PLEKHG1: variants seen among roughly 807,000 people sequenced by gnomAD.
The protein encoded by PLEKHG1 is pleckstrin homology domain-containing family G member 1.
A neutral mutation model predicts 100.8 loss-of-function variants in PLEKHG1; 44 were observed. That is an observed-to-expected ratio of 0.44 (90% confidence interval 0.34 to 0.56). The LOEUF (loss-of-function observed/expected upper bound fraction) is 0.56. PLEKHG1 is among the 20% of genes least tolerant of loss of function. PLEKHG1 has a pLI of 0.01. For synonymous variants in PLEKHG1, 640 were observed against 662.5 expected, an observed-to-expected ratio of 0.97 and a Z score of 0.52; for missense variants, 1,545 against 1,720.9, an observed-to-expected ratio of 0.90 and a Z score of 1.81.
intron 3 of PLEKHG1, among the ~76,000 whole-genome samples, chr6:150,776,610 G>A (rs538751544): frequency 5.2e-5 from 7 of 135,040 alleles, no homozygotes; most frequent in African/African-American, 1.3e-4. Context: ...ATGCAGTCCT[G>A]GTGCACATGT....
At chr6:150,743,367 A>G (rs573672299) in intron 2 of PLEKHG1, among the ~76,000 whole-genome samples, 1 of 146,612 alleles carries the variant, frequency 6.8e-6, no homozygotes, top group South Asian at 2.1e-4. Flanking sequence ...CTAAAAATCC[A>G]AAAAAAAAAT....
intron 3 of PLEKHG1, among the ~76,000 whole-genome samples, chr6:150,702,247 G>A (rs1332383072): frequency 2.6e-5 from 4 of 152,124 alleles, no homozygotes; most frequent in African/African-American, 4.8e-5. Context: ...TGAGGCAGGC[G>A]GATCACGAGG....
Position 150,733,907 on chromosome 6 carries a change from C to T in PLEKHG1, c.226C>T (p.Gln76Ter). Residue 76 changes from glutamine (Q) to a stop codon, truncating the protein, a stop_gained, in exon 2 of 16, where the codon CAA becomes TAA. Transcript: ENST00000358517. LOFTEE classifies it high-confidence loss of function. ...GCAGAGGGACAACCCCGCCACGGGGCAACAGAACGCGGATGAGGGCAGCGA... is the reference window on the plus strand; with the variant it reads ...GCAGAGGGACAACCCCGCCACGGGGTAACAGAACGCGGATGAGGGCAGCGA... The T allele has an allele frequency of 6.2e-7, 1 of 1,614,210 alleles. No individual in the cohort carries two copies. The highest frequency in any genetic ancestry group is 8.5e-7 in the Non-Finnish European group (1 of 1,180,036).
At chr6:150,620,107 TTTGTGTTTATTTTTA>T (rs1173057237) in intron 1 of PLEKHG1, among the ~76,000 whole-genome samples, 3 of 152,230 alleles carry the variant, frequency 2.0e-5, no homozygotes, top group Admixed American at 2.0e-4. Flanking sequence ...GTTTTTTGTC[TTTGTGTTTATTTTTA>T]TTGTGTTTAT....
intron 3 of PLEKHG1, among the ~76,000 whole-genome samples, chr6:150,700,103 T>C (rs1386513364): frequency 6.6e-6 from 1 of 152,138 alleles, no homozygotes; most frequent in Non-Finnish European, 1.5e-5. Context: ...TTACAGTGAA[T>C]CGGGGTGAAC....
intron 3 of PLEKHG1, among the ~76,000 whole-genome samples, chr6:150,700,733 T>C (rs1361307765): frequency 6.6e-6 from 1 of 152,202 alleles, no homozygotes; most frequent in African/African-American, 2.4e-5. Flanking sequence ...AGCCATCTGA[T>C]GAGCTTGCTG....
chr6:150,599,939 G>A (rs1582875767), exon 1 of PLEKHG1: 1 of 199,516 alleles, frequency 5.0e-6, no homozygotes, highest in Non-Finnish European at 1.0e-5. Flanking sequence ...CCGGCAGCCC[G>A]AGCCGGCGCA....
intron 2 of PLEKHG1, among the ~76,000 whole-genome samples, chr6:150,750,394 G>A (rs1056423132): frequency 6.6e-6 from 1 of 152,184 alleles, no homozygotes; most frequent in Non-Finnish European, 1.5e-5. Flanking sequence ...CCCAGTCTCT[G>A]GGGCCGGGGT....
intron 1 of PLEKHG1, among the ~76,000 whole-genome samples, chr6:150,609,916 C>T (rs764157217): frequency 3.5e-4 from 53 of 152,132 alleles, no homozygotes; most frequent in African/African-American, 7.5e-4. Flanking sequence ...TCACGGTCGC[C>T]GTTTCCCACG....
In PLEKHG1 at chr6:150,831,823, G is replaced by A. The variant is rs1776953893; in HGVS notation, c.2712G>A (p.Lys904=). The change falls in exon 15 of 16, where the codon AAG becomes AAA. Residue 904 remains lysine (K), a synonymous_variant. Coordinates refer to ENST00000358517, the Ensembl canonical transcript of PLEKHG1. The surrounding 1 kb of genome is among the most constrained non-coding windows in gnomAD (Gnocchi z 4.1). ...GCCAGGCTCTCCTCACGCCCGTGAAGAGCAGGGCTGGCAGAGCCAGCCGCG... is the reference window on the plus strand; with the variant it reads ...GCCAGGCTCTCCTCACGCCCGTGAAAAGCAGGGCTGGCAGAGCCAGCCGCG... 1 of 1,612,340 alleles carries A rather than the reference G, an allele frequency of 6.2e-7. No homozygotes were observed. Among genetic ancestry groups the A allele is most frequent in the Non-Finnish European group, 8.5e-7 (1 of 1,178,884 alleles).
intron 3 of PLEKHG1, among the ~76,000 whole-genome samples, chr6:150,773,352 A>G (rs1441827286): frequency 6.6e-6 from 1 of 152,116 alleles, no homozygotes; most frequent in East Asian, 1.9e-4. Context: ...TGGCTAATAC[A>G]GTGAAACCCT....
intron 1 of PLEKHG1, among the ~76,000 whole-genome samples, chr6:150,621,528 C>T (rs2128557336): frequency 6.6e-6 from 1 of 152,218 alleles, no homozygotes; most frequent in African/African-American, 2.4e-5. Flanking sequence ...GCCTATGCCA[C>T]CACACCCAGC....
intron 1 of PLEKHG1, among the ~76,000 whole-genome samples, chr6:150,606,620 C>T (rs1366988471): frequency 6.6e-6 from 1 of 152,226 alleles, no homozygotes; most frequent in Non-Finnish European, 1.5e-5. Flanking sequence ...GACCTGTTTT[C>T]TGCGCTCACT....
At chr6:150,721,821 T>C (rs1781687629) in intron 1 of PLEKHG1, among the ~76,000 whole-genome samples, 1 of 152,236 alleles carries the variant, frequency 6.6e-6, no homozygotes, top group Admixed American at 6.5e-5. Flanking sequence ...GAATCTGATT[T>C]CATTTGGCTT....
intron 1 of PLEKHG1, among the ~76,000 whole-genome samples, chr6:150,726,875 C>A (rs1045429376): frequency 1.3e-5 from 2 of 152,160 alleles, no homozygotes; most frequent in African/African-American, 4.8e-5. Context: ...CCTCAAATAC[C>A]TAGTGTCATC....
chr6:150,777,484 A>G (rs1248619313), intron 3 of PLEKHG1, among the ~76,000 whole-genome samples: 1 of 147,198 alleles, frequency 6.8e-6, no homozygotes, highest in African/African-American at 2.5e-5. Context: ...CCTGGTGCAC[A>G]TGTGCAGTTG....
At chr6:150,803,090 A>C (rs1786807493) in intron 6 of PLEKHG1, among the ~76,000 whole-genome samples, 1 of 152,228 alleles carries the variant, frequency 6.6e-6, no homozygotes, top group East Asian at 1.9e-4. Flanking sequence ...TTATGTTTTT[A>C]AATTTGCCAT....
chr6:150,641,876 C>CAATAAAAAAA (rs1778277009), intron 2 of PLEKHG1, among the ~76,000 whole-genome samples: 1 of 76,798 alleles, frequency 1.3e-5, no homozygotes, highest in Non-Finnish European at 2.2e-5. Flanking sequence ...TGTGAAAAGG[C>CAATAAAAAAA]AAAAAAAAAA....
intron 6 of PLEKHG1, 43 bp from the exon 8 acceptor site, chr6:150,804,567 A>G (rs1349499623): frequency 6.7e-7 from 1 of 1,502,016 alleles, no homozygotes; most frequent in African/African-American, 1.6e-5. Context: ...CTATATGAAA[A>G]TAAAATGAAA....
Sources: allele counts gnomAD v4.1 joint callset (sites outside exome capture counted in the v4.1 genomes callset), GRCh38; gene constraint gnomAD v4.1.1; non-coding constraint Gnocchi (gnomAD v3.1); transcripts MANE v1.5; gene names NCBI Gene and HGNC (gene_info 2026-07-23, HGNC 2026-07-21).